The following PAX2 variants were observed in gnomAD, a reference collection of about 807,000 sequenced individuals.
PAX2 encodes paired box protein Pax-2.
In PAX2, 9 loss-of-function variants were observed where a neutral mutation model predicts 41.7. The ratio of observed to expected loss-of-function variants is 0.22; its 90% CI spans 0.13 to 0.38. PAX2 has a LOEUF of 0.38. Ranked by LOEUF, PAX2 falls within the 10% of genes least tolerant of loss-of-function variation. The pLI, the probability that PAX2 is intolerant of heterozygous loss-of-function variation, is 1.00. For synonymous variants in PAX2, 221 were observed against 212.7 expected, an observed-to-expected ratio of 1.04 and a Z score of -0.34; for missense variants, 418 against 531.6, an observed-to-expected ratio of 0.79 and a Z score of 2.10.
rs149315049 is a variant in PAX2, at chr10:100,795,233, C to T, written c.617-11197C>T. On this transcript the variant is annotated intron_variant, in intron 5 of 9. Transcript: ENST00000355243. ...TTATTTTTAAAAATCTGGTTTACAT[C>T]GATGAGCAAATTGAGTGCCTGCTAT... 6.3e-4 allele frequency among the ~76,000 whole-genome samples: 96 copies of T among 152,286 alleles called. 1 individual carries two copies. In the East Asian group the frequency reaches 0.017, roughly 26 times the overall value.
In PAX2 at chr10:100,750,236, A is replaced by AT. The variant is rs1398945471; in HGVS notation, c.212+323dup. 1.4e-5 allele frequency among the ~76,000 whole-genome samples: 2 copies of AT among 144,142 alleles called. No individual in the cohort carries two copies. Among genetic ancestry groups the AT allele is most frequent in the African/African-American group, 5.8e-5 (2 of 34,404 alleles). The allele number at this position is 144,142 out of a possible 152,430, so 94.6% of individuals were successfully genotyped here. A position where few individuals can be genotyped will look rare whatever the true frequency, so the allele number is the denominator to read the frequency against. On this transcript the variant is annotated intron_variant, in intron 2 of 9. Coordinates refer to ENST00000355243, the MANE Select transcript of PAX2 (RefSeq NM_000278.5). The surrounding 1 kb of genome is among the most constrained non-coding windows in gnomAD (Gnocchi z 4.1). ...ATACGGGGTGGGAGACATTAGAGGAATGGGGGGGGAGTGAAAATGGGTCCC... is the reference window on the plus strand; with the variant it reads ...ATACGGGGTGGGAGACATTAGAGGAATTGGGGGGGGAGTGAAAATGGGTCCC...
At chr10:100,746,347 G>T in intron 1 of PAX2, 44 bp downstream of exon 1, 2 of 1,333,564 alleles carry the variant, frequency 1.5e-6, no homozygotes, top group Admixed American at 1.7e-5. Context: ...GGGGCTCTCC[G>T]TCCCAACCCT....
At chr10:100,766,302 C>A (rs760079010) in intron 3 of PAX2, among the ~76,000 whole-genome samples, 2 of 152,234 alleles carry the variant, frequency 1.3e-5, no homozygotes, top group Non-Finnish European at 2.9e-5. Flanking sequence ...CAGATGGTCA[C>A]ACCTCTGTGT....
At chr10:100,779,671 G>T in intron 4 of PAX2, 88 bp downstream of exon 4, 1 of 1,063,396 alleles carries the variant, frequency 9.4e-7, no homozygotes, top group Non-Finnish European at 1.4e-6. Flanking sequence ...CTGCCTGCCC[G>T]CTTGAGGTCC....
Position 100,748,823 on chromosome 10 carries a change from A to T in PAX2, c.44-923A>T. The T allele has an allele frequency of 1.0e-6, 1 of 985,286 alleles. No individual in the cohort carries two copies. Among genetic ancestry groups the T allele is most frequent in the Non-Finnish European group, 1.2e-6 (1 of 829,936 alleles). The allele number at this position is 985,286 out of a possible 1,614,324, so 61.0% of individuals were successfully genotyped here. A position where few individuals can be genotyped will look rare whatever the true frequency, so the allele number is the denominator to read the frequency against. On this transcript the variant is annotated intron_variant, in intron 1 of 9. Transcript: ENST00000355243. The surrounding 1 kb of genome is among the most constrained non-coding windows in gnomAD (Gnocchi z 5.0). ...AGGTCTGAGGGGTCAAAGGGACTCG[A>T]GTCGGGTTTGGGTCGGCTACACAGG...
intron 3 of PAX2, among the ~76,000 whole-genome samples, chr10:100,778,897 C>T (rs1348420379): frequency 6.6e-6 from 1 of 152,196 alleles, no homozygotes; most frequent in Non-Finnish European, 1.5e-5. Flanking sequence ...AGAGATTGTT[C>T]AGCCTGACAT....
Position 100,829,344 on chromosome 10 carries a change from C to T in PAX2, c.*1725C>T, listed in dbSNP as rs1848700549. ...CTCGGCCTCTCTCCCCAGACCTGGC[C>T]CGGCCGCCCTGTCTCCGCAGGCTAG... On this transcript the variant is annotated 3_prime_UTR_variant, in exon 10 of 10. Transcript: ENST00000355243. 1 of 221,036 alleles carries T rather than the reference C, an allele frequency of 4.5e-6. No homozygotes were observed. The highest frequency in any genetic ancestry group is 9.1e-6 in the Non-Finnish European group (1 of 110,128). The allele number at this position is 221,036 out of a possible 1,614,324, so 13.7% of individuals were successfully genotyped here.
chr10:100,770,534 T>C (rs1449656980), intron 3 of PAX2, among the ~76,000 whole-genome samples: 1 of 152,244 alleles, frequency 6.6e-6, no homozygotes, highest in Non-Finnish European at 1.5e-5. Context: ...TCAATCCATA[T>C]GCTTAGCATT....
intron 3 of PAX2, among the ~76,000 whole-genome samples, chr10:100,774,924 T>C (rs1246101274): frequency 6.6e-6 from 1 of 152,172 alleles, no homozygotes; most frequent in Non-Finnish European, 1.5e-5. Flanking sequence ...GAAGTCCCCA[T>C]GCGGGGCCCA....
intron 7 of PAX2, among the ~76,000 whole-genome samples, chr10:100,810,005 A>G: frequency 6.6e-6 from 1 of 152,172 alleles, no homozygotes; most frequent in East Asian, 1.9e-4. Flanking sequence ...GACTGCCCAA[A>G]TGGGAGAGAC....
At position 100,749,744 on chromosome 10, in the gene PAX2, A is replaced by G. The variant is rs560454433; in HGVS notation, c.44-2A>G. On this transcript the variant is annotated splice_acceptor_variant, in intron 1 of 9. Transcript: ENST00000355243. LOFTEE classifies it high-confidence loss of function. ...TTGTGTTTTTTTCTTGTCTCTCCCC[A>G]GCAGGGCACGGGGGTGTGAACCAGC... 3 of 1,608,518 alleles carry G rather than the reference A, an allele frequency of 1.9e-6. No individual in the cohort carries two copies. The African/African-American group carries it at 4.0e-5, about 21-fold the overall frequency.
chr10:100,820,537 G>T (rs1473381675), intron 7 of PAX2, among the ~76,000 whole-genome samples: 1 of 152,132 alleles, frequency 6.6e-6, no homozygotes, highest in Admixed American at 6.5e-5. Flanking sequence ...TGGCCAACAT[G>T]GTGAAACCCT....
chr10:100,789,809 G>A (rs1457778673), intron 5 of PAX2, among the ~76,000 whole-genome samples: 1 of 152,208 alleles, frequency 6.6e-6, no homozygotes, highest in East Asian at 1.9e-4. Context: ...TTCTGTCTTA[G>A]TTGGATCACA....
chr10:100,747,924 C>A, intron 1 of PAX2: 1 of 983,772 alleles, frequency 1.0e-6, no homozygotes, highest in Non-Finnish European at 1.2e-6. Context: ...TCCTGGCTGC[C>A]CGCGGGCAGC....
intron 3 of PAX2, 90 bp from the exon 4 acceptor site, chr10:100,779,408 T>C: frequency 9.2e-7 from 1 of 1,087,034 alleles, no homozygotes; most frequent in Non-Finnish European, 1.4e-6. Flanking sequence ...CTGAGGAACT[T>C]GGGAGAGAGC....
chr10:100,762,088 G>A (rs1353974837), intron 3 of PAX2, among the ~76,000 whole-genome samples: 4 of 152,136 alleles, frequency 2.6e-5, no homozygotes, highest in Admixed American at 2.6e-4. Context: ...GCCAGGCTCG[G>A]CATGGCGGCT....
At chr10:100,816,949 C>A (rs573857612) in intron 7 of PAX2, among the ~76,000 whole-genome samples, 1 of 152,162 alleles carries the variant, frequency 6.6e-6, no homozygotes, top group Non-Finnish European at 1.5e-5. Context: ...AAAAACACTG[C>A]GCTTTTGGAA....
At chr10:100,773,212 A>C (rs1257307359) in intron 3 of PAX2, among the ~76,000 whole-genome samples, 1 of 152,256 alleles carries the variant, frequency 6.6e-6, no homozygotes, top group South Asian at 2.1e-4. Flanking sequence ...GATTGAGTGA[A>C]CTATTTATTT....
chr10:100,826,915 G>A lies in PAX2; in HGVS notation c.1022-94G>A, dbSNP rs1848588889. 50 of 858,236 alleles carry A rather than the reference G, an allele frequency of 5.8e-5. No homozygotes were observed. The South Asian group carries it at 6.2e-4, about 11-fold the overall frequency. 53.2% of individuals were successfully genotyped at this position (858,236 alleles called of 1,614,324 possible). On this transcript the variant is annotated intron_variant, in intron 8 of 9. Coordinates refer to ENST00000355243, the MANE Select transcript of PAX2 (RefSeq NM_000278.5). This position sits in a 1 kb window ranked among gnomAD's most constrained non-coding sequence, Gnocchi z 5.5. ...CCCGCGACACCTGCGCCTGAGACCC[G>A]GCGGGAGGAGCGGGCGGAGAAGCCA...
Sources: gnomAD v4.1 joint callset for allele counts (sites outside exome capture counted in the v4.1 genomes callset) on GRCh38, gnomAD v4.1.1 for gene constraint, Gnocchi (gnomAD v3.1) non-coding constraint, MANE v1.5 for transcripts, NCBI Gene and HGNC (gene_info 2026-07-23, HGNC 2026-07-21) for gene names.